Variants in STRN observed in about 807,000 individuals in gnomAD.
The protein encoded by STRN is striatin, also known as protein phosphatase 2 regulatory subunit B'''alpha.
In STRN, 53 loss-of-function variants were observed where a neutral mutation model predicts 96.3. The observed-to-expected ratio is 0.55, with a 90% CI of 0.44 to 0.69. STRN has a LOEUF of 0.69. Ranked by LOEUF, STRN falls within the 30% of genes least tolerant of loss-of-function variation. The pLI, the probability that STRN is intolerant of heterozygous loss-of-function variation, is 0.00. For synonymous variants in STRN, 428 were observed against 355.9 expected, an observed-to-expected ratio of 1.20 and a Z score of -2.28; for missense variants, 987 against 963.9, an observed-to-expected ratio of 1.02 and a Z score of -0.32.
At chr2:36,853,991 A>C (rs1668281549) in intron 15 of STRN, among the ~76,000 whole-genome samples, 1 of 152,190 alleles carries the variant, frequency 6.6e-6, no homozygotes, top group African/African-American at 2.4e-5. Context: ...GTCAAGTAAA[A>C]AGTCCTATTA....
intron 5 of STRN, among the ~76,000 whole-genome samples, chr2:36,901,829 A>T (rs897454488): frequency 6.6e-6 from 1 of 152,206 alleles, no homozygotes; most frequent in African/African-American, 2.4e-5. Context: ...CCATAATTTT[A>T]ATTTATATTC....
At chr2:36,856,984 T>C (rs1425720439) in intron 14 of STRN, among the ~76,000 whole-genome samples, 2 of 152,028 alleles carry the variant, frequency 1.3e-5, no homozygotes, top group African/African-American at 2.4e-5. Flanking sequence ...GTTGCTATGC[T>C]TCCTGTACAG....
intron 1 of STRN, among the ~76,000 whole-genome samples, chr2:36,938,650 G>C (rs547203012): frequency 9.7e-4 from 148 of 152,162 alleles, no homozygotes; most frequent in African/African-American, 3.5e-3. Context: ...AAACTTCAAG[G>C]TTATTAAAAC....
At chr2:36,957,409 A>G (rs1290167425) in intron 1 of STRN, among the ~76,000 whole-genome samples, 1 of 152,068 alleles carries the variant, frequency 6.6e-6, no homozygotes, top group East Asian at 1.9e-4. Flanking sequence ...CCAACATGGC[A>G]AAACCTCGTC....
At chr2:36,954,515 C>T (rs370597430) in intron 1 of STRN, among the ~76,000 whole-genome samples, 6 of 104,832 alleles carry the variant, frequency 5.7e-5, no homozygotes. Flanking sequence ...CTGTCTCAAA[C>T]AGGGGAAAAA....
In STRN at chr2:36,848,068, T is replaced by C. The variant is rs956771966; in HGVS notation, c.*1388A>G. 6.6e-6 allele frequency: 1 copy of C among 152,164 alleles called. No homozygotes were observed. Among genetic ancestry groups the C allele is most frequent in the Non-Finnish European group, 1.5e-5 (1 of 68,026 alleles). 9.4% of individuals were successfully genotyped at this position (152,164 alleles called of 1,614,324 possible). A position where few individuals can be genotyped will look rare whatever the true frequency, so the allele number is the denominator to read the frequency against. On this transcript the variant is annotated 3_prime_UTR_variant, in exon 18 of 18. Coordinates refer to ENST00000263918, the MANE Select transcript of STRN (RefSeq NM_003162.4). ...TTTATGACAGGAGACTAGGTCTAGA[T>C]AGCAGGGTCTTCAGAATCCCAAAAG...
At chr2:36,858,436 C>T (rs1314842675) in intron 13 of STRN, among the ~76,000 whole-genome samples, 1 of 152,124 alleles carries the variant, frequency 6.6e-6, no homozygotes, top group Non-Finnish European at 1.5e-5. Flanking sequence ...AGCACTTTGG[C>T]TATACTTCCT....
rs575215600 is a variant in STRN at position 36,839,157 on chromosome 2, A to G, written c.*10299T>C. Among the ~76,000 whole-genome samples, 1 of 152,314 alleles carries G rather than the reference A, an allele frequency of 6.6e-6. No individual in the cohort carries two copies. Among genetic ancestry groups the G allele is most frequent in the East Asian group, 1.9e-4 (1 of 5,196 alleles). ...CTTCGTTTTGCCATTATGAATCTTT[A>G]TGCATTGTTTTTTGCATTTAAATTC... On this transcript the variant is annotated 3_prime_UTR_variant, in exon 18 of 18. Transcript: ENST00000263918.
At chr2:36,921,553 C>T (rs1670255971) in intron 2 of STRN, among the ~76,000 whole-genome samples, 1 of 152,178 alleles carries the variant, frequency 6.6e-6, no homozygotes, top group African/African-American at 2.4e-5. Flanking sequence ...TCATTTGATA[C>T]CTTCTAAAAG....
intron 14 of STRN, among the ~76,000 whole-genome samples, chr2:36,857,153 C>T (rs542799111): frequency 9.9e-5 from 15 of 151,066 alleles, no homozygotes; most frequent in Non-Finnish European, 1.8e-4. Context: ...TCCCAAATTC[C>T]TGGCCTCTCG....
chr2:36,894,149 T>A, intron 6 of STRN, 116 bp from the exon 7 acceptor site: 1 of 1,141,806 alleles, frequency 8.8e-7, no homozygotes, highest in Non-Finnish European at 1.2e-6. Flanking sequence ...ATAACTGTAC[T>A]ACCTAACTCA....
chr2:36,848,110 G>T lies in STRN; in HGVS notation c.*1346C>A, dbSNP rs1159046466. Reference sequence around the variant, plus strand: ...TCCCAAAAGGTGAACACATGTAGGTGGGTCACAGGTAAGTTGGGCTGGGGA... The same window carrying T: ...TCCCAAAAGGTGAACACATGTAGGTTGGTCACAGGTAAGTTGGGCTGGGGA... On this transcript the variant is annotated 3_prime_UTR_variant, in exon 18 of 18. Coordinates refer to ENST00000263918, the MANE Select transcript of STRN (RefSeq NM_003162.4). 6.6e-6 allele frequency: 1 copy of T among 152,006 alleles called. No homozygotes were observed. Among genetic ancestry groups the T allele is most frequent in the East Asian group, 1.9e-4 (1 of 5,190 alleles). 9.4% of individuals were successfully genotyped at this position (152,006 alleles called of 1,614,324 possible). A position where few individuals can be genotyped will look rare whatever the true frequency, so the allele number is the denominator to read the frequency against.
At position 36,849,429 on chromosome 2, in the gene STRN, G is replaced by A; in HGVS notation, c.*27C>T. 6.2e-7 allele frequency: 1 copy of A among 1,612,032 alleles called. No homozygotes were observed. The highest frequency in any genetic ancestry group is 8.5e-7 in the Non-Finnish European group (1 of 1,178,822). ...GTGTGCAGTTGATTACTTATAAACA[G>A]CTAGAAGGTGAAGATGATGCATTGC... is the stretch of plus-strand genomic sequence containing the variant. On this transcript the variant is annotated 3_prime_UTR_variant, in exon 18 of 18. Transcript: ENST00000263918.
In STRN at chr2:36,846,065, A is replaced by C. The variant is rs1026092118; in HGVS notation, c.*3391T>G. On this transcript the variant is annotated 3_prime_UTR_variant, in exon 18 of 18. Transcript: ENST00000263918. The stretch of plus-strand genomic sequence containing the variant: ...TAAAGGCACCTCTCATTTTCTAGCT[A>C]TTGCCTTCTTGATGATATTTGTTTT... 1 of 132,872 alleles carries C rather than the reference A, an allele frequency of 7.5e-6. No homozygotes were observed. The highest frequency in any genetic ancestry group is 1.5e-5 in the Non-Finnish European group (1 of 65,178). The allele number at this position is 132,872 out of a possible 1,614,324, so 8.2% of individuals were successfully genotyped here. A position where few individuals can be genotyped will look rare whatever the true frequency, so the allele number is the denominator to read the frequency against.
rs2110942 is a variant in STRN at position 36,869,866 on chromosome 2, T to C, written c.1324-137A>G. The C allele has an allele frequency of 0.44, 290,997 of 662,670 alleles. 66,182 individuals carry two copies. The highest frequency in any genetic ancestry group is 0.56 in the East Asian group (16,821 of 29,998). 41.0% of individuals were successfully genotyped at this position (662,670 alleles called of 1,614,324 possible). On this transcript the variant is annotated intron_variant, in intron 10 of 17. Coordinates refer to ENST00000263918, the MANE Select transcript of STRN (RefSeq NM_003162.4). The stretch of plus-strand genomic sequence containing the variant: ...TTTTTAAAACAATATAATTTTTATA[T>C]GTAAATAACCAAACCACGAAGCAAA...
chr2:36,892,559 C>A (rs1170889029), intron 7 of STRN, among the ~76,000 whole-genome samples: 1 of 152,058 alleles, frequency 6.6e-6, no homozygotes, highest in Non-Finnish European at 1.5e-5. Flanking sequence ...AAATTATTTA[C>A]ATATATATGA....
intron 14 of STRN, 151 bp downstream of exon 14, chr2:36,857,705 T>C (rs1668381945): frequency 1.6e-6 from 1 of 618,120 alleles, no homozygotes; most frequent in Non-Finnish European, 2.6e-6. Flanking sequence ...AAATTATATA[T>C]AGGTTGGAAA....
In STRN at chr2:36,845,267, C is replaced by T. The variant is rs1315153264; in HGVS notation, c.*4189G>A. On this transcript the variant is annotated 3_prime_UTR_variant, in exon 18 of 18. Transcript: ENST00000263918. ...TTTAAGCAATTCTTTCAAAGAAAAACAAAATTAATTCTAAGCCTTTCAGTC... is the reference window on the plus strand; with the variant it reads ...TTTAAGCAATTCTTTCAAAGAAAAATAAAATTAATTCTAAGCCTTTCAGTC... 6.6e-6 allele frequency: 1 copy of T among 152,060 alleles called. No individual in the cohort carries two copies. Among genetic ancestry groups the T allele is most frequent in the Admixed American group, 6.6e-5 (1 of 15,250 alleles). 9.4% of individuals were successfully genotyped at this position (152,060 alleles called of 1,614,324 possible).
At chr2:36,923,977 T>A (rs1365149979) in intron 2 of STRN, among the ~76,000 whole-genome samples, 2 of 152,080 alleles carry the variant, frequency 1.3e-5, no homozygotes, top group African/African-American at 2.4e-5. Context: ...GTTACTGGAG[T>A]ATCTTAGACA....
Sources: gnomAD v4.1 joint callset for allele counts (sites outside exome capture counted in the v4.1 genomes callset) on GRCh38, gnomAD v4.1.1 for gene constraint, MANE v1.5 for transcripts, NCBI Gene and HGNC (gene_info 2026-07-23, HGNC 2026-07-21) for gene names.